The following TBXAS1 variants were observed in gnomAD, a reference collection of about 807,000 sequenced individuals.
TBXAS1 encodes the protein thromboxane A synthase 1, also known as thromboxane-A synthase.
A neutral mutation model predicts 60.7 loss-of-function variants in TBXAS1; 48 were observed. The ratio of observed to expected loss-of-function variants is 0.79; its 90% CI spans 0.63 to 1.01. TBXAS1 has a LOEUF of 1.01. TBXAS1 is among the 50% of genes least tolerant of loss of function. The probability of loss-of-function intolerance (pLI) is 0.00; values close to 1 mark genes in which losing one functional copy is unlikely to be tolerated. For missense variants in TBXAS1, 685 were observed against 686.3 expected, an observed-to-expected ratio of 1.00 and a Z score of 0.02; for synonymous variants, 287 against 269.7, an observed-to-expected ratio of 1.06 and a Z score of -0.63.
Position 140,015,842 on chromosome 7 carries a change from A to G in TBXAS1, c.1346A>G (p.Glu449Gly). The change falls in exon 11 of 13, where the codon GAG becomes GGG. Residue 449 changes from glutamate to glycine, a missense_variant. Transcript: ENST00000448866. ...GACCCTGAGCACTGGCCAAGCCCGG[A>G]GACCTTCAACCCTGAAAGGTGAGTA... ...HHDPEHWPSP[E>G]TFNPERFTAE... 2 of 1,613,872 alleles carry G rather than the reference A, an allele frequency of 1.2e-6. No individual in the cohort carries two copies. The highest frequency in any genetic ancestry group is 1.7e-6 in the Non-Finnish European group (2 of 1,180,032).
chr7:139,957,618 G>A lies in TBXAS1; in HGVS notation c.689-16G>A, dbSNP rs1346297125. 1 of 1,613,954 alleles carries A rather than the reference G, an allele frequency of 6.2e-7. No homozygotes were observed. The highest frequency in any genetic ancestry group is 8.5e-7 in the Non-Finnish European group (1 of 1,179,968). On this transcript the variant is annotated splice_polypyrimidine_tract_variant and intron_variant, in intron 7 of 12. Transcript: ENST00000448866. ...TCACCCCCTTTTCAATGCCACTTTT[G>A]TTTTTCTCTTTCAAGTATCATTTCC...
chr7:139,942,821 A>C (rs1403761213), intron 5 of TBXAS1, among the ~76,000 whole-genome samples: 1 of 152,232 alleles, frequency 6.6e-6, no homozygotes, highest in Admixed American at 6.5e-5. Flanking sequence ...GTTCCCCGTC[A>C]AGAAGGCACA....
chr7:139,862,986 T>G (rs1409480844), intron 1 of TBXAS1, among the ~76,000 whole-genome samples: 3 of 152,204 alleles, frequency 2.0e-5, no homozygotes, highest in Non-Finnish European at 4.4e-5. Context: ...TGACCTGGTT[T>G]TAACTCTGAC....
chr7:139,866,198 T>C (rs1801406296), intron 1 of TBXAS1, among the ~76,000 whole-genome samples: 2 of 152,328 alleles, frequency 1.3e-5, no homozygotes, highest in African/African-American at 4.8e-5. Context: ...CAGTGACTCA[T>C]GGATCTCAGG....
chr7:139,939,590 C>T (rs568973317), intron 5 of TBXAS1, among the ~76,000 whole-genome samples: 2 of 151,820 alleles, frequency 1.3e-5, no homozygotes, highest in East Asian at 2.0e-4. Flanking sequence ...TTAGACCTGG[C>T]GAGTTGAAGT....
chr7:139,986,785 G>C, intron 9 of TBXAS1, among the ~76,000 whole-genome samples: 1 of 50,150 alleles, frequency 2.0e-5, no homozygotes, highest in African/African-American at 9.0e-5. Context: ...GTGTGTGTGT[G>C]TGTGTGTGTG....
chr7:139,912,365 T>C (rs371918055), intron 4 of TBXAS1, among the ~76,000 whole-genome samples: 3 of 152,290 alleles, frequency 2.0e-5, no homozygotes, highest in East Asian at 1.9e-4. Context: ...AACCTTTACG[T>C]TGATTCTTGG....
At chr7:140,016,572 A>C (rs1815092523) in intron 11 of TBXAS1, 1 of 168,826 alleles carries the variant, frequency 5.9e-6, no homozygotes, top group Non-Finnish European at 1.3e-5. Context: ...ATCTATGCCA[A>C]AACAACAGCT....
intron 1 of TBXAS1, among the ~76,000 whole-genome samples, chr7:139,834,454 T>C (rs944163432): frequency 1.3e-5 from 2 of 151,396 alleles, no homozygotes; most frequent in African/African-American, 4.9e-5. Flanking sequence ...AGAAAGGAAA[T>C]AACCAAGATC....
intron 8 of TBXAS1, among the ~76,000 whole-genome samples, chr7:139,958,791 A>G (rs568711982): frequency 7.9e-5 from 12 of 152,360 alleles, no homozygotes; most frequent in African/African-American, 2.6e-4. Flanking sequence ...CCCTCGGCCC[A>G]CACCACTGTG....
chr7:139,872,193 C>T, intron 1 of TBXAS1, 42 bp from the exon 2 acceptor site: 19 of 1,562,836 alleles, frequency 1.2e-5, no homozygotes, highest in Non-Finnish European at 1.7e-5. Flanking sequence ...AGCATGAGTG[C>T]AACTTCATTT....
chr7:139,784,901 T>TAGA (rs34372326), intron 3 of TBXAS1, among the ~76,000 whole-genome samples: 101,685 of 151,622 alleles, frequency 0.67, 36,273 homozygotes, highest in East Asian at 0.95. Context: ...GGCTGATCCA[T>TAGA]AGGAGGTGAG....
chr7:139,802,502 C>T (rs1404501403), intron 4 of TBXAS1, among the ~76,000 whole-genome samples: 4 of 152,010 alleles, frequency 2.6e-5, no homozygotes, highest in East Asian at 1.9e-4. Flanking sequence ...GGCCAGTTCC[C>T]GGCTGTTCGC....
At chr7:139,893,382 C>A (rs147483573) in intron 3 of TBXAS1, among the ~76,000 whole-genome samples, 3 of 144,250 alleles carry the variant, frequency 2.1e-5, no homozygotes, top group Non-Finnish European at 4.6e-5. Flanking sequence ...CCCTTCAATA[C>A]CCCCGAATAT....
chr7:139,821,017 G>A (rs955705717), intron 4 of TBXAS1, among the ~76,000 whole-genome samples: 2 of 152,200 alleles, frequency 1.3e-5, no homozygotes, highest in African/African-American at 4.8e-5. Flanking sequence ...CAAGGCATTT[G>A]TTGAATCAAC....
In TBXAS1 at chr7:139,865,823, G is replaced by A. The variant is rs1183881972; in HGVS notation, c.90-6412G>A. ...AGGAAAGAAGGAAGGAAGGGAGGGA[G>A]GGAGGGAGGGGGGAAAGGAAGAAGG... On this transcript the variant is annotated intron_variant, in intron 1 of 12. Transcript: ENST00000448866. 1.2e-3 allele frequency among the ~76,000 whole-genome samples: 126 copies of A among 102,120 alleles called. 1 individual carries two copies. The highest frequency in any genetic ancestry group is 2.4e-3 in the African/African-American group (59 of 24,758). 67.0% of individuals were successfully genotyped at this position (102,120 alleles called of 152,430 possible).
At chr7:139,818,301 G>C (rs1372559002) in intron 4 of TBXAS1, among the ~76,000 whole-genome samples, 1 of 152,118 alleles carries the variant, frequency 6.6e-6, no homozygotes, top group Non-Finnish European at 1.5e-5. Context: ...AACTCAGGTG[G>C]GTGCAGGTAC....
intron 4 of TBXAS1, among the ~76,000 whole-genome samples, chr7:139,822,273 C>G (rs1798320370): frequency 6.6e-6 from 1 of 152,048 alleles, no homozygotes; most frequent in East Asian, 1.9e-4. Context: ...CTTTCTCTCT[C>G]TCTCTCTCTG....
chr7:139,994,701 C>T (rs3801148), intron 9 of TBXAS1, among the ~76,000 whole-genome samples: 60,941 of 152,082 alleles, frequency 0.4, 14,401 homozygotes, highest in South Asian at 0.56. Flanking sequence ...GACAATGGCT[C>T]ATTTATTTCA....
Sources: gnomAD v4.1 joint callset for allele counts (sites outside exome capture counted in the v4.1 genomes callset) on GRCh38, gnomAD v4.1.1 for gene constraint, MANE v1.5 for transcripts, NCBI Gene and HGNC (gene_info 2026-07-23, HGNC 2026-07-21) for gene names.